CD200R1: variants seen among roughly 807,000 people sequenced by gnomAD.
The protein encoded by CD200R1 is cell surface glycoprotein CD200 receptor 1.
In CD200R1, 30 loss-of-function variants were observed where a neutral mutation model predicts 38.1. The observed-to-expected ratio is 0.79, with a 90% CI of 0.59 to 1.07. The LOEUF is 1.07. CD200R1 is among the 50% of genes least tolerant of loss of function. The pLI is 0.00. For missense variants in CD200R1, 372 were observed against 415.4 expected (o/e 0.90, Z 0.91); for synonymous variants, 128 against 152.1 (o/e 0.84, Z 1.16).
At chr3:112,942,956 G>T (rs1444379115) in intron 2 of CD200R1, among the ~76,000 whole-genome samples, 1 of 151,566 alleles carries the variant, frequency 6.6e-6, no homozygotes, top group African/African-American at 2.4e-5. Context: ...TGTGCACCTA[G>T]CAAAAGAGGA....
intron 1 of CD200R1, among the ~76,000 whole-genome samples, chr3:112,952,629 C>A (rs1940991462): frequency 6.6e-6 from 1 of 151,854 alleles, no homozygotes; most frequent in Non-Finnish European, 1.5e-5. Flanking sequence ...CACACCAGGG[C>A]CTGTTGTGGG....
intron 2 of CD200R1, among the ~76,000 whole-genome samples, chr3:112,937,465 TG>T (rs56746816): frequency 0.58 from 87,172 of 151,456 alleles, 25,433 homozygotes; most frequent in African/African-American, 0.68. Context: ...CCCCATTGCT[TG>T]TTTCTGTCAG....
At chr3:112,952,707 A>C (rs1020881237) in intron 1 of CD200R1, among the ~76,000 whole-genome samples, 1 of 152,156 alleles carries the variant, frequency 6.6e-6, no homozygotes, top group African/African-American at 2.4e-5. Flanking sequence ...TAGTGGGTGC[A>C]GCGCACCAGT....
chr3:112,961,055 A>G (rs1372109867), intron 1 of CD200R1, among the ~76,000 whole-genome samples: 1 of 152,042 alleles, frequency 6.6e-6, no homozygotes, highest in Non-Finnish European at 1.5e-5. Flanking sequence ...ATGTTCAGCA[A>G]AAAAAAGAAA....
At chr3:112,924,694 T>G (rs972066319) in intron 6 of CD200R1, among the ~76,000 whole-genome samples, 159 bp from the exon 7 acceptor site, 1 of 152,060 alleles carries the variant, frequency 6.6e-6, no homozygotes, top group Non-Finnish European at 1.5e-5. Context: ...AGAATACTGC[T>G]CGTGGTTAAT....
intron 6 of CD200R1, 73 bp from the exon 7 acceptor site, chr3:112,924,608 A>G (rs987763766): frequency 1.3e-5 from 11 of 857,296 alleles, no homozygotes; most frequent in South Asian, 4.3e-5. Flanking sequence ...AAAATAAGAC[A>G]GTATACTATT....
Position 112,931,452 on chromosome 3 carries a change from A to G in CD200R1, c.137-281T>C, listed in dbSNP as rs79036657. 7.9e-3 allele frequency among the ~76,000 whole-genome samples: 1,202 copies of G among 152,306 alleles called. 8 individuals carry two copies. The highest frequency in any genetic ancestry group is 0.012 in the Non-Finnish European group (841 of 68,012). On this transcript the variant is annotated intron_variant, in intron 2 of 7. Coordinates refer to ENST00000308611, the MANE Select transcript of CD200R1 (RefSeq NM_138806.4). ...AAAAAGATAAACCTGCCTCTACTGC[A>G]TCCTTCTTCCTCAGCCAGGGAGATT...
intron 1 of CD200R1, among the ~76,000 whole-genome samples, chr3:112,962,490 A>C (rs572726485): frequency 6.6e-6 from 1 of 152,334 alleles, no homozygotes; most frequent in East Asian, 1.9e-4. Flanking sequence ...AATGTTATCA[A>C]ATAATATACA....
chr3:112,953,906 GT>G (rs771312487), intron 1 of CD200R1, among the ~76,000 whole-genome samples: 20 of 151,540 alleles, frequency 1.3e-4, no homozygotes, highest in Non-Finnish European at 2.2e-4. Flanking sequence ...CATTTCATTA[GT>G]TTTTTTCTCA....
chr3:112,956,999 A>T (rs1472469523), intron 1 of CD200R1, among the ~76,000 whole-genome samples: 1 of 152,140 alleles, frequency 6.6e-6, no homozygotes, highest in East Asian at 1.9e-4. Context: ...GCCTGCAGTC[A>T]GGGGTCATTG....
At chr3:112,930,437 T>A (rs1940401160) in intron 3 of CD200R1, among the ~76,000 whole-genome samples, 1 of 152,210 alleles carries the variant, frequency 6.6e-6, no homozygotes, top group Admixed American at 6.5e-5. Flanking sequence ...TTATCAACAC[T>A]AAAGGCGTAA....
At chr3:112,924,379 G>C in intron 7 of CD200R1, 111 bp downstream of exon 7, 1 of 755,400 alleles carries the variant, frequency 1.3e-6, no homozygotes, top group South Asian at 4.7e-5. Flanking sequence ...AGTCAGAACT[G>C]TTTTAGTTTT....
intron 2 of CD200R1, among the ~76,000 whole-genome samples, chr3:112,946,055 AG>A (rs1553768551): frequency 6.8e-5 from 9 of 132,290 alleles, no homozygotes; most frequent in Non-Finnish European, 1.0e-4. Flanking sequence ...AAAAAAAAGG[AG>A]AACGAAAAGA....
Position 112,974,785 on chromosome 3 carries a change from A to G in CD200R1, c.67+6T>C, listed in dbSNP as rs1933400732. 2 of 1,597,972 alleles carry G rather than the reference A, an allele frequency of 1.3e-6. No individual in the cohort carries two copies. Among genetic ancestry groups the G allele is most frequent in the Non-Finnish European group, 1.7e-6 (2 of 1,165,418 alleles). ...CACTGTTCTCCCAAAGAGAATTCAA[A>G]CTTACCGGCCACTAAGAAGATAGTC... On this transcript the variant is annotated splice_donor_region_variant and intron_variant, in intron 1 of 7. Coordinates refer to ENST00000308611, the MANE Select transcript of CD200R1 (RefSeq NM_138806.4).
At chr3:112,946,775 T>C (rs7636831) in intron 2 of CD200R1, among the ~76,000 whole-genome samples, 11,887 of 152,242 alleles carry the variant, frequency 0.078, 766 homozygotes, top group African/African-American at 0.16. Flanking sequence ...CCAACAATCA[T>C]GCTTTTTGGT....
At chr3:112,955,332 C>A (rs930031298) in intron 1 of CD200R1, among the ~76,000 whole-genome samples, 1 of 152,106 alleles carries the variant, frequency 6.6e-6, no homozygotes, top group African/African-American at 2.4e-5. Context: ...AAGTGGGGTA[C>A]TAAAGTCCCC....
chr3:112,969,893 C>G (rs559323650), intron 1 of CD200R1, among the ~76,000 whole-genome samples: 136 of 152,068 alleles, frequency 8.9e-4, no homozygotes, highest in African/African-American at 3.2e-3. Flanking sequence ...AAAAACTGGC[C>G]AGGTACAGTG....
Position 112,931,107 on chromosome 3 carries a change from T to C in CD200R1, c.201A>G (p.Glu67=). The C allele has an allele frequency of 6.2e-7, 1 of 1,607,210 alleles. No individual in the cohort carries two copies. The highest frequency in any genetic ancestry group is 1.1e-5 in the South Asian group (1 of 90,946). Residue 67 remains glutamate, a splice_region_variant and synonymous_variant, in exon 3 of 8, where the codon GAA becomes GAG. Coordinates refer to ENST00000308611, the MANE Select transcript of CD200R1 (RefSeq NM_138806.4). ...GCCACTAGTAAGGAAGCATATTACC[T>C]TCTGCGAGTACTTTCGAGTAGTTCT... is the stretch of plus-strand genomic sequence containing the variant. ...ITQNYSKVLA[E]VNTSWPVKMA...
Position 112,928,950 on chromosome 3 carries a change from T to G in CD200R1, c.635A>C (p.Lys212Thr). The change falls in exon 5 of 8, where the codon AAG (lysine) becomes ACG (threonine). Residue 212 changes from lysine to threonine, a missense_variant. Coordinates refer to ENST00000308611, the MANE Select transcript of CD200R1 (RefSeq NM_138806.4). Reference sequence around the variant, plus strand: ...TGTGCCATTGCTCCAGTATTCTTGCTTAGTGGCACAATCGCCCTCTGGGAT... The same window carrying G: ...TGTGCCATTGCTCCAGTATTCTTGCGTAGTGGCACAATCGCCCTCTGGGAT... ...SWIPEGDCAT[K>T]QEYWSNGTVT... is the part of the protein sequence containing the mutation. The G allele has an allele frequency of 6.2e-7, 1 of 1,614,042 alleles. No homozygotes were observed.
Sources: gnomAD v4.1 joint callset for allele counts (sites outside exome capture counted in the v4.1 genomes callset) on GRCh38, gnomAD v4.1.1 for gene constraint, MANE v1.5 for transcripts, NCBI Gene and HGNC (gene_info 2026-07-23, HGNC 2026-07-21) for gene names.